Variants in SIPA1L1 observed in about 807,000 individuals in gnomAD.
SIPA1L1 encodes the protein signal-induced proliferation-associated 1-like protein 1.
SIPA1L1 carries 26 observed loss-of-function variants against 162.7 expected under a neutral mutation model. The ratio of observed to expected loss-of-function variants is 0.16; its 90% CI spans 0.12 to 0.22. The LOEUF is 0.22. SIPA1L1 is among the 10% of genes least tolerant of loss of function. The pLI is 1.00. For missense variants in SIPA1L1, 1,874 were observed against 2,241.0 expected, an observed-to-expected ratio of 0.84 and a Z score of 3.31; for synonymous variants, 829 against 837.4, an observed-to-expected ratio of 0.99 and a Z score of 0.17.
chr14:71,707,120 GACAC>G (rs1030482164), intron 16 of SIPA1L1, among the ~76,000 whole-genome samples: 1 of 149,776 alleles, frequency 6.7e-6, no homozygotes, highest in Non-Finnish European at 1.5e-5. Flanking sequence ...TCTACCAAAA[GACAC>G]ACACACGCAC....
intron 14 of SIPA1L1, among the ~76,000 whole-genome samples, chr14:71,701,932 T>A (rs878994086): frequency 9.2e-5 from 14 of 152,234 alleles, no homozygotes; most frequent in African/African-American, 3.4e-4. Context: ...AACCACTGAC[T>A]TAATGATTTA....
chr14:71,633,165 C>A (rs60039230), intron 7 of SIPA1L1, among the ~76,000 whole-genome samples: 29,473 of 101,070 alleles, frequency 0.29, 4,265 homozygotes, highest in East Asian at 0.53. Flanking sequence ...ATGTTCTGTT[C>A]TGTTCTGTTC....
chr14:71,547,711 G>C (rs928445225), intron 4 of SIPA1L1, among the ~76,000 whole-genome samples: 2 of 152,146 alleles, frequency 1.3e-5, no homozygotes, highest in African/African-American at 4.8e-5. Context: ...TGGACAGTAG[G>C]ATGACTCTCT....
At chr14:71,609,113 A>G (rs1322258057) in intron 5 of SIPA1L1, among the ~76,000 whole-genome samples, 3 of 152,120 alleles carry the variant, frequency 2.0e-5, no homozygotes, top group Non-Finnish European at 4.4e-5. Flanking sequence ...ATATTGGGCC[A>G]TGCCATCTCT....
intron 4 of SIPA1L1, among the ~76,000 whole-genome samples, chr14:71,549,632 G>T (rs770520870): frequency 1.1e-4 from 17 of 152,108 alleles, no homozygotes; most frequent in Non-Finnish European, 2.4e-4. Flanking sequence ...AGAGTTTAAT[G>T]GGCCATCTGT....
intron 13 of SIPA1L1, among the ~76,000 whole-genome samples, 178 bp from the exon 14 acceptor site, chr14:71,698,803 T>C (rs952849486): frequency 6.9e-6 from 1 of 145,832 alleles, no homozygotes; most frequent in South Asian, 2.4e-4. Context: ...TTTCCAGCTG[T>C]TCCCCTAGGG....
intron 2 of SIPA1L1, among the ~76,000 whole-genome samples, chr14:71,471,121 G>A (rs1417301539): frequency 6.6e-6 from 1 of 152,166 alleles, no homozygotes; most frequent in African/African-American, 2.4e-5. Flanking sequence ...TGGGATTACA[G>A]GCGTGAGCCT....
intron 12 of SIPA1L1, among the ~76,000 whole-genome samples, chr14:71,677,504 T>G (rs1035079478): frequency 3.3e-5 from 5 of 152,340 alleles, no homozygotes; most frequent in African/African-American, 1.2e-4. Flanking sequence ...TATTTTGGCT[T>G]TTGTTGCCAT....
At chr14:71,559,748 A>G (rs1355992130) in intron 4 of SIPA1L1, among the ~76,000 whole-genome samples, 1 of 152,244 alleles carries the variant, frequency 6.6e-6, no homozygotes, top group Non-Finnish European at 1.5e-5. Flanking sequence ...CGAAATTAAA[A>G]TGTAATTCTT....
At chr14:71,643,637 C>T (rs1158070968) in intron 7 of SIPA1L1, among the ~76,000 whole-genome samples, 1 of 152,196 alleles carries the variant, frequency 6.6e-6, no homozygotes, top group African/African-American at 2.4e-5. Flanking sequence ...ATATGTGCAT[C>T]TGCTGTCAGT....
Position 71,588,605 on chromosome 14 carries a change from G to GACTTTC in SIPA1L1, c.734_739dup (p.Phe246_Leu247insHisPhe). On this transcript the variant is annotated inframe_insertion, in exon 5 of 24. Coordinates refer to ENST00000381232, the MANE Select transcript of SIPA1L1 (RefSeq NM_001386936.1). This position sits in a 1 kb window ranked among gnomAD's most constrained non-coding sequence, Gnocchi z 4.3. ...AGGTCCAACTCCAACCAAGCTCAGTGACTTTCTCATTACTGGTGGTGGCAA... is the reference window on the plus strand; with the variant it reads ...AGGTCCAACTCCAACCAAGCTCAGTGACTTTCACTTTCTCATTACTGGTGGTGGCAA... 6.2e-7 allele frequency: 1 copy of GACTTTC among 1,614,030 alleles called. No individual in the cohort carries two copies. The highest frequency in any genetic ancestry group is 8.5e-7 in the Non-Finnish European group (1 of 1,179,976).
intron 7 of SIPA1L1, among the ~76,000 whole-genome samples, chr14:71,627,576 C>T (rs1327608239): frequency 2.0e-5 from 3 of 152,278 alleles, no homozygotes; most frequent in African/African-American, 7.2e-5. Flanking sequence ...TTCTTACTGT[C>T]AGGCACCTTG....
chr14:71,451,814 G>A (rs904406222), intron 2 of SIPA1L1, among the ~76,000 whole-genome samples: 1 of 151,736 alleles, frequency 6.6e-6, no homozygotes, highest in African/African-American at 2.4e-5. Flanking sequence ...TGGTGTGTAC[G>A]CAATTCAAAA....
At chr14:71,422,335 T>C (rs891120781) in intron 2 of SIPA1L1, among the ~76,000 whole-genome samples, 2 of 152,242 alleles carry the variant, frequency 1.3e-5, no homozygotes, top group East Asian at 3.8e-4. Flanking sequence ...ACAATACATA[T>C]AACATCTTAA....
chr14:71,542,770 A>G (rs1157290535), intron 4 of SIPA1L1, among the ~76,000 whole-genome samples: 1 of 123,412 alleles, frequency 8.1e-6, no homozygotes, highest in African/African-American at 3.1e-5. Context: ...TTTTTACGAG[A>G]TACAGTCTTG....
chr14:71,414,258 A>G (rs1343763488), intron 2 of SIPA1L1, among the ~76,000 whole-genome samples: 1 of 152,146 alleles, frequency 6.6e-6, no homozygotes, highest in Non-Finnish European at 1.5e-5. Flanking sequence ...ACACACCTGT[A>G]ATCTCAGCTA....
At chr14:71,543,963 G>A (rs1357022422) in intron 4 of SIPA1L1, among the ~76,000 whole-genome samples, 1 of 147,902 alleles carries the variant, frequency 6.8e-6, no homozygotes, top group Non-Finnish European at 1.5e-5. Flanking sequence ...GCACATGTAT[G>A]TATATATACA....
At chr14:71,427,500 T>C (rs986052585) in intron 2 of SIPA1L1, among the ~76,000 whole-genome samples, 2 of 152,206 alleles carry the variant, frequency 1.3e-5, no homozygotes, top group Non-Finnish European at 2.9e-5. Flanking sequence ...TGTGTATCAA[T>C]GGGGGTCTCT....
chr14:71,492,219 G>A (rs1240112858), intron 2 of SIPA1L1, among the ~76,000 whole-genome samples: 1 of 152,180 alleles, frequency 6.6e-6, no homozygotes, highest in African/African-American at 2.4e-5. Context: ...TTGGCAGGAA[G>A]GAGCAAGTGT....
Sources: gnomAD v4.1 joint callset for allele counts (sites outside exome capture counted in the v4.1 genomes callset) on GRCh38, gnomAD v4.1.1 for gene constraint, Gnocchi (gnomAD v3.1) non-coding constraint, MANE v1.5 for transcripts, NCBI Gene and HGNC (gene_info 2026-07-23, HGNC 2026-07-21) for gene names.